The following PRKAG2 variants were observed in gnomAD, a reference collection of about 807,000 sequenced individuals.
PRKAG2 encodes the protein protein kinase AMP-activated non-catalytic subunit gamma 2.
Under a neutral mutation model 69.6 loss-of-function variants are expected in PRKAG2, and 26 were observed. That is an observed-to-expected ratio of 0.37 (90% confidence interval 0.27 to 0.52). PRKAG2 has a LOEUF of 0.52. Ranked by LOEUF, PRKAG2 falls within the 20% of genes least tolerant of loss-of-function variation. The pLI, the probability that PRKAG2 is intolerant of heterozygous loss-of-function variation, is 0.90. For synonymous variants in PRKAG2, 293 were observed against 285.0 expected (o/e 1.03, Z -0.28); for missense variants, 557 against 740.0 (o/e 0.75, Z 2.87).
At chr7:151,845,547 C>T (rs941094838) in intron 1 of PRKAG2, among the ~76,000 whole-genome samples, 2 of 152,138 alleles carry the variant, frequency 1.3e-5, no homozygotes, top group Admixed American at 6.5e-5. Flanking sequence ...AGGGAGGAAG[C>T]GGTGGTGGCC....
In PRKAG2 at chr7:151,688,045, C is replaced by CCCCCCG. The variant is rs1554539833; in HGVS notation, c.467-12409_467-12408insCGGGGG. Among the ~76,000 whole-genome samples, 7 of 107,798 alleles carry CCCCCCG rather than the reference C, an allele frequency of 6.5e-5. 1 individual carries two copies. The highest frequency in any genetic ancestry group is 3.1e-5 in the African/African-American group (1 of 32,126). The allele number at this position is 107,798 out of a possible 152,430, so 70.7% of individuals were successfully genotyped here. ...AGGAGGAGGAGGAGGAAATGAGGCC[C>CCCCCCG]CCCCCCGGGCTCCTTGCTGAGTCAG... On this transcript the variant is annotated intron_variant, in intron 3 of 15. Coordinates refer to ENST00000287878, the MANE Select transcript of PRKAG2 (RefSeq NM_016203.4).
At chr7:151,758,308 G>A (rs2075221205) in intron 3 of PRKAG2, among the ~76,000 whole-genome samples, 1 of 152,156 alleles carries the variant, frequency 6.6e-6, no homozygotes, top group African/African-American at 2.4e-5. Flanking sequence ...CTCCCTAAAA[G>A]CTACCACTGC....
chr7:151,831,088 A>C (rs1459812750), intron 1 of PRKAG2, among the ~76,000 whole-genome samples: 1 of 152,142 alleles, frequency 6.6e-6, no homozygotes, highest in East Asian at 1.9e-4. Context: ...ACAAGTGTTG[A>C]CAAGGATACA....
At chr7:151,858,946 G>C (rs1020258546) in intron 1 of PRKAG2, among the ~76,000 whole-genome samples, 6 of 152,302 alleles carry the variant, frequency 3.9e-5, no homozygotes, top group Admixed American at 6.5e-5. Flanking sequence ...CCCTCTTCCT[G>C]CTCCTCTGCA....
chr7:151,753,485 C>G (rs2074854675), intron 3 of PRKAG2, among the ~76,000 whole-genome samples: 1 of 152,116 alleles, frequency 6.6e-6, no homozygotes, highest in Admixed American at 6.5e-5. Flanking sequence ...TGGTGAAATG[C>G]TAACATCGGG....
At position 151,788,186 on chromosome 7, in the gene PRKAG2, G is replaced by A. The variant is rs180964509; in HGVS notation, c.115-1645C>T. 6.6e-6 allele frequency among the ~76,000 whole-genome samples: 1 copy of A among 152,320 alleles called. No homozygotes were observed. Reference sequence around the variant, plus strand: ...TTGAGGAGCCACTAAACTGTTTTCTGCAGCAGCCACCCCATTTTACTTTCC... The same window carrying A: ...TTGAGGAGCCACTAAACTGTTTTCTACAGCAGCCACCCCATTTTACTTTCC... On this transcript the variant is annotated intron_variant, in intron 1 of 15. Transcript: ENST00000287878. The surrounding 1 kb of genome is among the most constrained non-coding windows in gnomAD (Gnocchi z 4.6).
At chr7:151,648,347 T>A (rs1198113268) in intron 4 of PRKAG2, among the ~76,000 whole-genome samples, 1 of 152,216 alleles carries the variant, frequency 6.6e-6, no homozygotes, top group Non-Finnish European at 1.5e-5. Context: ...AAAATGTCGC[T>A]ATGAAAACGT....
chr7:151,603,773 T>C (rs1027526790), intron 5 of PRKAG2, among the ~76,000 whole-genome samples: 4 of 152,216 alleles, frequency 2.6e-5, no homozygotes, highest in Non-Finnish European at 5.9e-5. Flanking sequence ...GTAGAGGTAC[T>C]CTTTCCCTCC....
Position 151,632,115 on chromosome 7 carries a change from T to C in PRKAG2, c.708A>G (p.Gly236=). 1.4e-6 allele frequency: 2 copies of C among 1,409,044 alleles called. No homozygotes were observed. The highest frequency in any genetic ancestry group is 2.8e-5 in the South Asian group (2 of 72,244). The allele number at this position is 1,409,044 out of a possible 1,614,324, so 87.3% of individuals were successfully genotyped here. The part of the protein sequence containing the change: ...SKAAALAAAL[G]PAEAGMLEKL... ...TCTCCAGCATGCCGGCTTCCGCGGG[T>C]CCCAGGGCCGCCGCCAGCGCCGCCT... Residue 236 remains glycine, a synonymous_variant, in exon 5 of 16, where the codon GGA becomes GGG. Coordinates refer to ENST00000287878, the MANE Select transcript of PRKAG2 (RefSeq NM_016203.4). The surrounding 1 kb of genome is among the most constrained non-coding windows in gnomAD (Gnocchi z 4.2).
intron 1 of PRKAG2, among the ~76,000 whole-genome samples, chr7:151,875,551 C>A: frequency 7.4e-6 from 1 of 135,980 alleles, no homozygotes; most frequent in African/African-American, 2.7e-5. Flanking sequence ...ACTTTCTCTA[C>A]GGAGCACTCT....
intron 6 of PRKAG2, among the ~76,000 whole-genome samples, chr7:151,579,286 T>C (rs767424066): frequency 6.6e-6 from 1 of 152,162 alleles, no homozygotes; most frequent in Non-Finnish European, 1.5e-5. Context: ...CCTCCCAAAG[T>C]GTTAGGATTA....
intron 5 of PRKAG2, among the ~76,000 whole-genome samples, chr7:151,629,986 T>A (rs1220648500): frequency 6.6e-6 from 1 of 152,218 alleles, no homozygotes; most frequent in Non-Finnish European, 1.5e-5. Context: ...GAAACAAAGC[T>A]GCATTTGGAC....
chr7:151,793,931 C>T (rs2151827961), intron 1 of PRKAG2, among the ~76,000 whole-genome samples: 1 of 152,360 alleles, frequency 6.6e-6, no homozygotes, highest in South Asian at 2.1e-4. Context: ...AAGGCCTAAG[C>T]TCCACTCTCA....
intron 1 of PRKAG2, among the ~76,000 whole-genome samples, chr7:151,859,851 C>G (rs1270963253): frequency 6.6e-6 from 1 of 152,248 alleles, no homozygotes; most frequent in Non-Finnish European, 1.5e-5. Context: ...GTCCCTCACT[C>G]CCATTTAGGC....
intron 3 of PRKAG2, among the ~76,000 whole-genome samples, chr7:151,717,178 T>G (rs1287707964): frequency 6.4e-5 from 9 of 140,116 alleles, no homozygotes; most frequent in South Asian, 2.4e-4. Flanking sequence ...GCCCGGGAGG[T>G]GGAGGTTGCA....
chr7:151,813,435 C>T (rs1352069813), intron 1 of PRKAG2, among the ~76,000 whole-genome samples: 4 of 149,768 alleles, frequency 2.7e-5, no homozygotes, highest in East Asian at 2.0e-4. Context: ...TCAAGGACCC[C>T]GAATCACAGA....
At chr7:151,724,601 C>T (rs1248561817) in intron 3 of PRKAG2, among the ~76,000 whole-genome samples, 1 of 152,126 alleles carries the variant, frequency 6.6e-6, no homozygotes, top group Admixed American at 6.5e-5. Context: ...CCCTCCCAGG[C>T]GCTCCCTCCC....
rs80326251 is a variant in PRKAG2 at position 151,797,410 on chromosome 7, G to A, written c.115-10869C>T. Among the ~76,000 whole-genome samples, 1,173 of 152,098 alleles carry A rather than the reference G, an allele frequency of 7.7e-3. 44 individuals carry two copies. Among genetic ancestry groups the A allele is most frequent in the East Asian group, 0.051 (263 of 5,156 alleles). The stretch of plus-strand genomic sequence containing the variant: ...GGCTCTGAGACACACCCTCCTCTAC[G>A]TAGAGGACCTTGTGTGAGAGAGGAC... On this transcript the variant is annotated intron_variant, in intron 1 of 15. Coordinates refer to ENST00000287878, the MANE Select transcript of PRKAG2 (RefSeq NM_016203.4).
intron 3 of PRKAG2, among the ~76,000 whole-genome samples, chr7:151,680,706 G>A (rs964572023): frequency 2.0e-5 from 3 of 152,160 alleles, no homozygotes; most frequent in Non-Finnish European, 4.4e-5. Context: ...AGAGGCTGGC[G>A]AAGGCCATAT....
Sources: allele counts gnomAD v4.1 joint callset (sites outside exome capture counted in the v4.1 genomes callset), GRCh38; gene constraint gnomAD v4.1.1; non-coding constraint Gnocchi (gnomAD v3.1); transcripts MANE v1.5; gene names NCBI Gene and HGNC (gene_info 2026-07-23, HGNC 2026-07-21).